Variants in RAPGEFL1 observed in about 807,000 individuals in gnomAD.
RAPGEFL1 encodes the protein rap guanine nucleotide exchange factor-like 1.
A neutral mutation model predicts 64.4 loss-of-function variants in RAPGEFL1; 31 were observed. That is an observed-to-expected ratio of 0.48 (90% CI 0.36 to 0.65). The LOEUF is 0.65. Ranked by LOEUF, RAPGEFL1 falls within the 30% of genes least tolerant of loss-of-function variation. RAPGEFL1 has a pLI of 0.00. For synonymous variants in RAPGEFL1, 331 were observed against 274.1 expected, an observed-to-expected ratio of 1.21 and a Z score of -2.05; for missense variants, 682 against 677.4, an observed-to-expected ratio of 1.01 and a Z score of -0.08.
At position 40,192,675 on chromosome 17, in the gene RAPGEFL1, G is replaced by C. The variant is rs1404074444; in HGVS notation, c.1726G>C (p.Val576Leu). ...AATGAAGCCCCCTGTGATTCCCTTC[G>C]TGCCTCTGATCCTCAAAGGTGAGAG... The part of the protein sequence containing the change: ...SKMKPPVIPF[V>L]PLILKDLTFL... Residue 576 changes from valine (V) to leucine (L), a missense_variant, in exon 12 of 15, where the codon GTG (valine) becomes CTG (leucine). Around this residue, in one of 2 missense-constraint regions of RAPGEFL1, gnomAD observed 411 missense variants for 519.4 expected, o/e 0.79. Coordinates refer to ENST00000620260, the MANE Select transcript of RAPGEFL1 (RefSeq NM_016339.6). The C allele has an allele frequency of 6.2e-7, 1 of 1,613,636 alleles. No homozygotes were observed. Among genetic ancestry groups the C allele is most frequent in the South Asian group, 1.1e-5 (1 of 91,050 alleles).
intron 1 of RAPGEFL1, among the ~76,000 whole-genome samples, chr17:40,179,399 G>C (rs547853025): frequency 3.5e-4 from 53 of 151,420 alleles, no homozygotes; most frequent in African/African-American, 1.3e-3. Flanking sequence ...GGGGTTTCGG[G>C]GTTTCACCAA....
chr17:40,181,458 A>T, intron 1 of RAPGEFL1, 158 bp from the exon 2 acceptor site: 1 of 648,460 alleles, frequency 1.5e-6, no homozygotes, highest in Non-Finnish European at 2.9e-6. Flanking sequence ...TTACACATGT[A>T]TGTGTGCGCG....
chr17:40,182,867 G>T (rs950433032), intron 2 of RAPGEFL1, among the ~76,000 whole-genome samples: 1 of 152,196 alleles, frequency 6.6e-6, no homozygotes, highest in Non-Finnish European at 1.5e-5. Flanking sequence ...CAGGCTCCCA[G>T]CCAGGCACGG....
chr17:40,181,356 T>C (rs899067213), intron 1 of RAPGEFL1: 10 of 601,668 alleles, frequency 1.7e-5, no homozygotes, highest in African/African-American at 1.3e-4. Context: ...TGAAGAGAAG[T>C]GCACATGGCC....
Position 40,177,655 on chromosome 17 carries a change from C to A in RAPGEFL1, c.-207C>A, listed in dbSNP as rs537546883. 2.4e-6 allele frequency: 1 copy of A among 410,316 alleles called. No individual in the cohort carries two copies. Among genetic ancestry groups the A allele is most frequent in the Non-Finnish European group, 4.2e-6 (1 of 236,402 alleles). 25.4% of individuals were successfully genotyped at this position (410,316 alleles called of 1,614,324 possible). ...GGCATGGGGGGTTGCTGAGAGCGAG[C>A]ACTCCTTTCCTCTGGCACCTCCCCC... is the stretch of plus-strand genomic sequence containing the variant. On this transcript the variant is annotated 5_prime_UTR_variant, in exon 1 of 15. Coordinates refer to ENST00000620260, the MANE Select transcript of RAPGEFL1 (RefSeq NM_016339.6).
rs752284684 is a variant in RAPGEFL1, at chr17:40,189,299, G to A, written c.1038G>A (p.Thr346=). 76 of 1,614,038 alleles carry A rather than the reference G, an allele frequency of 4.7e-5. No homozygotes were observed. The highest frequency in any genetic ancestry group is 4.3e-4 in the South Asian group (39 of 91,088). The change falls in exon 6 of 15, where the codon ACG becomes ACA. Residue 346 remains threonine (T), a synonymous_variant. Transcript: ENST00000620260. ...ASVQDILGSV[T]EKLQYSEEPA... ...TGCAGGACATTCTGGGCTCTGTGACGGAGAAACTTCAATATTCAGAGGAGC... is the reference window on the plus strand; with the variant it reads ...TGCAGGACATTCTGGGCTCTGTGACAGAGAAACTTCAATATTCAGAGGAGC...
intron 6 of RAPGEFL1, 40 bp from the exon 7 acceptor site, chr17:40,190,393 AG>A (rs770067464): frequency 6.4e-7 from 1 of 1,570,888 alleles, no homozygotes; most frequent in Non-Finnish European, 8.8e-7. Flanking sequence ...GTGAGGGTGC[AG>A]GCGGCAGGGG....
chr17:40,193,087 A>G (rs1990334297), intron 13 of RAPGEFL1, 97 bp downstream of exon 13: 1 of 1,216,328 alleles, frequency 8.2e-7, no homozygotes, highest in African/African-American at 1.5e-5. Flanking sequence ...CCTTCCTCCA[A>G]GTGCCCAGCT....
chr17:40,177,672 A>G lies in RAPGEFL1; in HGVS notation c.-190A>G. ...AGAGCGAGCACTCCTTTCCTCTGGCACCTCCCCCGGCTACTGGCCACTGGA... is the reference window on the plus strand; with the variant it reads ...AGAGCGAGCACTCCTTTCCTCTGGCGCCTCCCCCGGCTACTGGCCACTGGA... On this transcript the variant is annotated 5_prime_UTR_variant, in exon 1 of 15. Coordinates refer to ENST00000620260, the MANE Select transcript of RAPGEFL1 (RefSeq NM_016339.6). 2 of 405,136 alleles carry G rather than the reference A, an allele frequency of 4.9e-6. No homozygotes were observed. Among genetic ancestry groups the G allele is most frequent in the Non-Finnish European group, 8.6e-6 (2 of 233,154 alleles). 25.1% of individuals were successfully genotyped at this position (405,136 alleles called of 1,614,324 possible).
chr17:40,178,344 G>T lies in RAPGEFL1; in HGVS notation c.483G>T (p.Arg161=), dbSNP rs1179984217. The T allele has an allele frequency of 1.8e-6, 1 of 563,936 alleles. No individual in the cohort carries two copies. Among genetic ancestry groups the T allele is most frequent in the South Asian group, 2.0e-5 (1 of 49,930 alleles). 34.9% of individuals were successfully genotyped at this position (563,936 alleles called of 1,614,324 possible). Reference sequence around the variant, plus strand: ...ATCTTCTGAACCGGGTTCTGGAGCGGCTTGCTGGAGGGGCTACCAGGGACA... The same window carrying T: ...ATCTTCTGAACCGGGTTCTGGAGCGTCTTGCTGGAGGGGCTACCAGGGACA... ...PEHLLNRVLE[R]LAGGATRDSA... The change falls in exon 1 of 15, where the codon CGG becomes CGT. Residue 161 remains arginine, a synonymous_variant. Transcript: ENST00000620260.
rs974939377 is a variant in RAPGEFL1, at chr17:40,192,517, A to T, written c.1657-89A>T. The T allele has an allele frequency of 5.9e-6, 7 of 1,183,392 alleles. No individual in the cohort carries two copies. The African/African-American group carries it at 9.1e-5, about 15-fold the overall frequency. 73.3% of individuals were successfully genotyped at this position (1,183,392 alleles called of 1,614,324 possible). A position where few individuals can be genotyped will look rare whatever the true frequency, so the allele number is the denominator to read the frequency against. On this transcript the variant is annotated intron_variant, in intron 11 of 14. Transcript: ENST00000620260. ...CACCCCTATCTGATCAGGAATGTAT[A>T]CAAGGCAGGGGGTGAGGGAGGAAGC...
intron 11 of RAPGEFL1, 62 bp downstream of exon 11, chr17:40,192,325 A>G (rs1183203899): frequency 1.3e-6 from 2 of 1,526,384 alleles, no homozygotes; most frequent in Non-Finnish European, 9.1e-7. Flanking sequence ...CTCTGTTCCC[A>G]TAAACCCCCT....
chr17:40,188,524 C>G, intron 4 of RAPGEFL1: 1 of 312,898 alleles, frequency 3.2e-6, no homozygotes, highest in South Asian at 3.0e-5. Context: ...TCAGTAAGAA[C>G]CAAATCCCAG....
chr17:40,194,053 C>G lies in RAPGEFL1; in HGVS notation c.*265C>G. ...GATAGAAAGCTCCTTCCTCTATGTC[C>G]TCCCATCGAGATCTGTTCTGGGGAT... On this transcript the variant is annotated 3_prime_UTR_variant, in exon 15 of 15. Coordinates refer to ENST00000620260, the MANE Select transcript of RAPGEFL1 (RefSeq NM_016339.6). 1 of 406,810 alleles carries G rather than the reference C, an allele frequency of 2.5e-6. No homozygotes were observed. Among genetic ancestry groups the G allele is most frequent in the East Asian group, 5.0e-5 (1 of 20,062 alleles). The allele number at this position is 406,810 out of a possible 1,614,324, so 25.2% of individuals were successfully genotyped here. A position where few individuals can be genotyped will look rare whatever the true frequency, so the allele number is the denominator to read the frequency against.
At chr17:40,178,667 C>G (rs1989801791) in intron 1 of RAPGEFL1, among the ~76,000 whole-genome samples, 1 of 152,188 alleles carries the variant, frequency 6.6e-6, no homozygotes, top group African/African-American at 2.4e-5. Context: ...GCCACTGACT[C>G]CCATGGGTCC....
At chr17:40,183,835 C>CTTT (rs34505274) in intron 2 of RAPGEFL1, among the ~76,000 whole-genome samples, 7 of 56,870 alleles carry the variant, frequency 1.2e-4, no homozygotes, top group Non-Finnish European at 2.2e-4. Flanking sequence ...TTTTTTTTGC[C>CTTT]TTTTTTTTTT....
intron 3 of RAPGEFL1, 95 bp from the exon 4 acceptor site, chr17:40,184,486 G>C: frequency 8.9e-7 from 1 of 1,117,690 alleles, no homozygotes. Context: ...TGGCTCTCCT[G>C]TGCTTAAAGG....
chr17:40,185,526 A>G (rs1990037323), intron 4 of RAPGEFL1, among the ~76,000 whole-genome samples: 1 of 150,630 alleles, frequency 6.6e-6, no homozygotes, highest in Non-Finnish European at 1.5e-5. Context: ...CTACAAAAAA[A>G]AAAAAAAAAA....
At chr17:40,192,401 G>C in intron 11 of RAPGEFL1, 138 bp downstream of exon 11, 2 of 1,114,180 alleles carry the variant, frequency 1.8e-6, no homozygotes, top group Non-Finnish European at 2.7e-6. Context: ...CATGCTGGAG[G>C]GTGAGGTTGG....
Sources: allele counts gnomAD v4.1 joint callset (sites outside exome capture counted in the v4.1 genomes callset), GRCh38; gene constraint gnomAD v4.1.1; regional missense constraint gnomAD v4.1.1; transcripts MANE v1.5; gene names NCBI Gene and HGNC (gene_info 2026-07-23, HGNC 2026-07-21).